Variants in MZT2B observed in about 807,000 individuals in gnomAD.
The protein encoded by MZT2B is mitotic-spindle organizing protein 2B.
In MZT2B, 11 loss-of-function variants were observed where a neutral mutation model predicts 12.1. The ratio of observed to expected loss-of-function variants is 0.91; its 90% CI spans 0.57 to 1.50. The LOEUF is 1.50. Among genes scored for constraint, MZT2B ranks in the 40% most tolerant of loss-of-function variants. The pLI is 0.00. For synonymous variants in MZT2B, 85 were observed against 109.5 expected (o/e 0.78, Z 1.40); for missense variants, 209 against 227.7 (o/e 0.92, Z 0.53).
chr2:130,191,183 T>C (rs1167020891), downstream of MZT2B, among the ~76,000 whole-genome samples: 1 of 152,082 alleles, frequency 6.6e-6, no homozygotes, highest in Non-Finnish European at 1.5e-5. Context: ...ATCTCCCACC[T>C]CATGGGAGGT....
At chr2:130,190,062 C>T (rs1690202669) in intron 2 of MZT2B, among the ~76,000 whole-genome samples, 1 of 152,192 alleles carries the variant, frequency 6.6e-6, no homozygotes, top group Non-Finnish European at 1.5e-5. Flanking sequence ...ATGAACACAC[C>T]TTGAGGATGA....
In MZT2B at chr2:130,190,681, C is replaced by T; in HGVS notation, c.*55C>T. On this transcript the variant is annotated 3_prime_UTR_variant, in exon 3 of 3. Coordinates refer to ENST00000281871, the MANE Select transcript of MZT2B (RefSeq NM_025029.5). ...CCCCAGCAAAGGCTACATGTTACCT[C>T]CTTCAATTGATAATAAACCTTTCTG... 2 of 1,558,302 alleles carry T rather than the reference C, an allele frequency of 1.3e-6. No homozygotes were observed. Among genetic ancestry groups the T allele is most frequent in the East Asian group, 4.6e-5 (2 of 43,658 alleles).
At chr2:130,183,921 C>G in intron 2 of MZT2B, 1 of 1,550,600 alleles carries the variant, frequency 6.4e-7, no homozygotes, top group Non-Finnish European at 8.7e-7. Context: ...TCCAGGCCCC[C>G]CGGGTTCCCT....
downstream of MZT2B, among the ~76,000 whole-genome samples, chr2:130,191,255 G>A (rs989332943): frequency 1.2e-4 from 18 of 152,214 alleles, no homozygotes; most frequent in Non-Finnish European, 1.8e-4. Context: ...CACAGAGGGC[G>A]AACGCTGCCT....
At chr2:130,190,410 C>T in intron 2 of MZT2B, 59 bp from the exon 3 acceptor site, 2 of 1,594,108 alleles carry the variant, frequency 1.3e-6, no homozygotes, top group South Asian at 1.1e-5. Context: ...ACGAGTACAG[C>T]AGGTGCTGCA....
intron 2 of MZT2B, among the ~76,000 whole-genome samples, chr2:130,186,201 C>T (rs1245553246): frequency 6.6e-6 from 1 of 152,226 alleles, no homozygotes; most frequent in Non-Finnish European, 1.5e-5. Context: ...CCACAGGACT[C>T]GGGTGTGGAG....
the MZT2B span, chr2:130,202,204 C>A: frequency 1.9e-4 from 165 of 862,048 alleles, no homozygotes; most frequent in African/African-American, 1.5e-3. Context: ...GTATACAGCA[C>A]TAAAAAAAAC....
intron 2 of MZT2B, chr2:130,183,762 CTT>C (rs1689923476): frequency 6.4e-7 from 1 of 1,550,648 alleles, no homozygotes; most frequent in African/African-American, 1.4e-5. Context: ...TGTCTGCTCT[CTT>C]TGTGTCTCTC....
intron 2 of MZT2B, 151 bp downstream of exon 2, chr2:130,182,926 T>C (rs1047648414): frequency 2.8e-6 from 3 of 1,076,098 alleles, no homozygotes; most frequent in Admixed American, 2.9e-5. Context: ...TGGGCTCTGC[T>C]CCTGGGCTTC....
intron 2 of MZT2B, among the ~76,000 whole-genome samples, chr2:130,189,393 C>G (rs1690177638): frequency 6.6e-6 from 1 of 152,170 alleles, no homozygotes; most frequent in African/African-American, 2.4e-5. Flanking sequence ...AGGGTTTGAG[C>G]CTGCAGGGGG....
chr2:130,190,511 TG>T lies in MZT2B; in HGVS notation c.364del (p.Ala122ArgfsTer?). ...GSAALGGALALAERSSREGSS... is the reference protein window; with the variant it reads ...GSAALGGALAXAERSSREGSS... ...GCTGCCCTCGGGGGAGCATTGGCCC[TG>T]GCGGAACGCAGCAGCCGCGAAGGAT... is the stretch of plus-strand genomic sequence containing the variant. On this transcript the variant is annotated frameshift_variant, in exon 3 of 3. Coordinates refer to ENST00000281871, the MANE Select transcript of MZT2B (RefSeq NM_025029.5). LOFTEE classifies it high-confidence loss of function. 1 of 1,613,752 alleles carries T rather than the reference TG, an allele frequency of 6.2e-7. No individual in the cohort carries two copies. Among genetic ancestry groups the T allele is most frequent in the South Asian group, 1.1e-5 (1 of 91,080 alleles).
chr2:130,186,516 A>AGT (rs1032195895), intron 2 of MZT2B, among the ~76,000 whole-genome samples: 15 of 152,198 alleles, frequency 9.9e-5, no homozygotes, highest in African/African-American at 3.4e-4. Flanking sequence ...TGACGTTTGG[A>AGT]GTGTGGAAGC....
the MZT2B span, among the ~76,000 whole-genome samples, chr2:130,199,627 G>A: frequency 0.026 from 3,138 of 122,364 alleles, 808 homozygotes; most frequent in African/African-American, 0.085. Context: ...AATATTAGCA[G>A]CAGTTATAAG....
chr2:130,181,798 G>A, upstream of MZT2B: 4 of 1,546,190 alleles, frequency 2.6e-6, no homozygotes, highest in East Asian at 9.8e-5. Context: ...GCGCCCCAAG[G>A]TACTTTCTCC....
the MZT2B span, among the ~76,000 whole-genome samples, chr2:130,203,305 C>T: frequency 6.6e-6 from 1 of 152,212 alleles, no homozygotes; most frequent in East Asian, 1.9e-4. Context: ...CCTCTCATTG[C>T]TTGACACAGT....
At chr2:130,195,187 T>C (rs12990012), downstream of MZT2B, 3,439 of 1,611,906 alleles carry the variant, frequency 2.1e-3, 86 homozygotes, top group African/African-American at 0.04. Context: ...TCAGCTGCTC[T>C]GGGTGGAAGA....
At chr2:130,194,519 C>A (rs1007243911), downstream of MZT2B, 3 of 1,501,780 alleles carry the variant, frequency 2.0e-6, no homozygotes, top group African/African-American at 1.4e-5. Context: ...ACACCACCAA[C>A]CTCCAACAAG....
downstream of MZT2B, chr2:130,193,900 G>A: frequency 6.2e-7 from 1 of 1,614,238 alleles, no homozygotes; most frequent in Non-Finnish European, 8.5e-7. Flanking sequence ...ACATGCAGCA[G>A]GCCATGTACT....
the MZT2B span, chr2:130,198,296 T>C: frequency 7.4e-7 from 1 of 1,347,214 alleles, no homozygotes; most frequent in Non-Finnish European, 1.0e-6. Flanking sequence ...CGTCCCTCTG[T>C]CCACCCGAGG....
Sources: allele counts gnomAD v4.1 joint callset (sites outside exome capture counted in the v4.1 genomes callset), GRCh38; gene constraint gnomAD v4.1.1; transcripts MANE v1.5; gene names NCBI Gene and HGNC (gene_info 2026-07-23, HGNC 2026-07-21).